Variants in SEC24D observed in about 807,000 individuals in gnomAD.
SEC24D encodes SEC24 homolog D, COPII component.
Under a neutral mutation model 116.9 loss-of-function variants are expected in SEC24D, and 69 were observed. The ratio of observed to expected loss-of-function variants is 0.59; its 90% CI spans 0.49 to 0.72. The LOEUF is 0.72. SEC24D is among the 30% of genes least tolerant of loss of function. The probability of loss-of-function intolerance (pLI) is 0.00; values close to 1 mark genes in which losing one functional copy is unlikely to be tolerated. For missense variants in SEC24D, 1,131 were observed against 1,264.1 expected (o/e 0.89, Z 1.60); for synonymous variants, 405 against 442.8 (o/e 0.91, Z 1.07).
intron 15 of SEC24D, 30 bp downstream of exon 15, chr4:118,743,958 G>A (rs1261850660): frequency 2.6e-5 from 41 of 1,576,802 alleles, no homozygotes; most frequent in Non-Finnish European, 3.0e-5. Flanking sequence ...GGGAGTAGAA[G>A]ACCAAGGTGA....
intron 10 of SEC24D, among the ~76,000 whole-genome samples, chr4:118,759,063 T>C (rs539235013): frequency 8.3e-4 from 127 of 152,360 alleles, no homozygotes; most frequent in South Asian, 3.9e-3. Flanking sequence ...TGTACCATTC[T>C]TTTAATCTCT....
intron 8 of SEC24D, among the ~76,000 whole-genome samples, chr4:118,794,759 C>T (rs1284982785): frequency 1.3e-5 from 2 of 152,144 alleles, no homozygotes; most frequent in African/African-American, 4.8e-5. Flanking sequence ...AAAAGTTTCA[C>T]ATTTTTGACA....
intron 3 of SEC24D, among the ~76,000 whole-genome samples, chr4:118,818,379 C>CT (rs1297544089): frequency 3.9e-5 from 6 of 152,222 alleles, no homozygotes; most frequent in Admixed American, 3.9e-4. Context: ...GAAGCCAGTG[C>CT]TTGCCTGAAG....
rs564855374 is a variant in SEC24D, at chr4:118,756,627, C to G, written c.1421+1094G>C. 3.9e-5 allele frequency among the ~76,000 whole-genome samples: 6 copies of G among 152,150 alleles called. No homozygotes were observed. The East Asian group carries it at 9.7e-4, about 25-fold the overall frequency. On this transcript the variant is annotated intron_variant, in intron 11 of 22. Transcript: ENST00000280551. Reference sequence around the variant, plus strand: ...CCACCCTCCAGAAAAACATCCTTTTCCAGAACAAAGATTGTTGATGTTCAG... The same window carrying G: ...CCACCCTCCAGAAAAACATCCTTTTGCAGAACAAAGATTGTTGATGTTCAG...
chr4:118,810,604 G>GA (rs1337249139), intron 6 of SEC24D, among the ~76,000 whole-genome samples: 3 of 152,214 alleles, frequency 2.0e-5, no homozygotes, highest in African/African-American at 7.2e-5. Context: ...GGAATCATCT[G>GA]AAGAGCTTGT....
intron 8 of SEC24D, among the ~76,000 whole-genome samples, chr4:118,795,628 G>C (rs139503194): frequency 6.6e-6 from 1 of 152,144 alleles, no homozygotes; most frequent in Non-Finnish European, 1.5e-5. Context: ...TCTTTAAAAC[G>C]TTATGCTGAG....
At chr4:118,790,563 G>A (rs1728850387) in intron 8 of SEC24D, among the ~76,000 whole-genome samples, 1 of 151,982 alleles carries the variant, frequency 6.6e-6, no homozygotes, top group East Asian at 1.9e-4. Flanking sequence ...ACTGGCTGTG[G>A]GGATGGGTTT....
intron 7 of SEC24D, among the ~76,000 whole-genome samples, chr4:118,800,793 G>A (rs1325121384): frequency 2.0e-5 from 3 of 152,166 alleles, no homozygotes; most frequent in Non-Finnish European, 2.9e-5. Context: ...GGGAGGTTAT[G>A]CGACTTTCCA....
intron 8 of SEC24D, among the ~76,000 whole-genome samples, chr4:118,780,556 A>G (rs756072174): frequency 1.6e-4 from 24 of 152,156 alleles, no homozygotes; most frequent in Admixed American, 8.5e-4. Flanking sequence ...GTGATGTGGT[A>G]CTGAGATGAA....
intron 2 of SEC24D, among the ~76,000 whole-genome samples, chr4:118,826,104 G>T (rs552134392): frequency 8.6e-5 from 13 of 151,846 alleles, no homozygotes; most frequent in Middle Eastern, 3.4e-3. Context: ...TTAAACTGAG[G>T]ACATTTTTAT....
chr4:118,739,715 A>G (rs188058535), intron 17 of SEC24D, among the ~76,000 whole-genome samples: 1 of 152,342 alleles, frequency 6.6e-6, no homozygotes, highest in East Asian at 1.9e-4. Context: ...GATGATATAC[A>G]TTTGAAGAAT....
chr4:118,779,687 T>C (rs531197604), intron 8 of SEC24D, among the ~76,000 whole-genome samples: 253 of 152,266 alleles, frequency 1.7e-3, no homozygotes, highest in African/African-American at 6.0e-3. Flanking sequence ...GGTACCAGCT[T>C]CTCTTTGTAC....
At chr4:118,777,892 G>A (rs1057254350) in intron 8 of SEC24D, among the ~76,000 whole-genome samples, 3 of 152,176 alleles carry the variant, frequency 2.0e-5, no homozygotes, top group Non-Finnish European at 2.9e-5. Context: ...TGTGTCTGTT[G>A]GCTCCATAAA....
At chr4:118,825,966 A>G (rs368974157) in intron 2 of SEC24D, among the ~76,000 whole-genome samples, 1 of 152,120 alleles carries the variant, frequency 6.6e-6, no homozygotes. Flanking sequence ...TATTGTCATC[A>G]TAATTGCTTT....
intron 1 of SEC24D, among the ~76,000 whole-genome samples, chr4:118,834,495 T>C (rs540455370): frequency 5.5e-4 from 83 of 152,288 alleles, no homozygotes; most frequent in African/African-American, 2.0e-3. Flanking sequence ...TTTTTTTAAA[T>C]CTTGATTCTA....
chr4:118,744,012 G>A lies in SEC24D; in HGVS notation c.1971C>T (p.Thr657=). 1 of 1,604,822 alleles carries A rather than the reference G, an allele frequency of 6.2e-7. No individual in the cohort carries two copies. Among genetic ancestry groups the A allele is most frequent in the Non-Finnish European group, 8.5e-7 (1 of 1,177,228 alleles). Residue 657 remains threonine, a synonymous_variant, in exon 15 of 23, where the codon ACC becomes ACT. Coordinates refer to ENST00000280551, the MANE Select transcript of SEC24D (RefSeq NM_014822.4). ...CCTGGAAATTGTTGTATTTGTAAAG[G>A]GTTCCTCCAGTGAGCTGAGGAACCA... The part of the protein sequence containing the change: ...LGLVPQLTGG[T]LYKYNNFQMH...
At chr4:118,760,798 C>A (rs1004158690) in intron 10 of SEC24D, among the ~76,000 whole-genome samples, 1 of 151,990 alleles carries the variant, frequency 6.6e-6, no homozygotes, top group Non-Finnish European at 1.5e-5. Context: ...ACCTCCAACT[C>A]CCGGGTTCAA....
intron 19 of SEC24D, 67 bp from the exon 20 acceptor site, chr4:118,732,979 T>C: frequency 7.5e-7 from 1 of 1,329,276 alleles, no homozygotes. Flanking sequence ...GAGCTTCATC[T>C]GTAAGACTGA....
At chr4:118,818,042 GA>G (rs755282562) in intron 3 of SEC24D, among the ~76,000 whole-genome samples, 50 of 142,952 alleles carry the variant, frequency 3.5e-4, no homozygotes, top group East Asian at 1.0e-3. Flanking sequence ...GTCCCAAAGA[GA>G]AAAAAAAAAA....
Sources: gnomAD v4.1 joint callset for allele counts (sites outside exome capture counted in the v4.1 genomes callset) on GRCh38, gnomAD v4.1.1 for gene constraint, MANE v1.5 for transcripts, NCBI Gene and HGNC (gene_info 2026-07-23, HGNC 2026-07-21) for gene names.